Variants in FRA10AC1 observed in about 807,000 individuals in gnomAD.
FRA10AC1 encodes FRA10A associated CGG repeat 1.
In FRA10AC1, 43 loss-of-function variants were observed where a neutral mutation model predicts 56.5. The ratio of observed to expected loss-of-function variants is 0.76; its 90% CI spans 0.60 to 0.98. The LOEUF is 0.98. FRA10AC1 is among the 50% of genes least tolerant of loss of function. The pLI, the probability that FRA10AC1 is intolerant of heterozygous loss-of-function variation, is 0.00. For synonymous variants in FRA10AC1, 112 were observed against 110.5 expected, an observed-to-expected ratio of 1.01 and a Z score of -0.09; for missense variants, 346 against 351.8, an observed-to-expected ratio of 0.98 and a Z score of 0.13.
At chr10:93,676,183 T>C (rs2058836857) in intron 12 of FRA10AC1, among the ~76,000 whole-genome samples, 1 of 152,182 alleles carries the variant, frequency 6.6e-6, no homozygotes, top group Admixed American at 6.5e-5. Context: ...TATTCTGACT[T>C]TTTTAACCTT....
At chr10:93,694,764 C>T in intron 5 of FRA10AC1, 97 bp downstream of exon 5, 1 of 457,884 alleles carries the variant, frequency 2.2e-6, no homozygotes, top group Non-Finnish European at 3.9e-6. Context: ...GAATAGAAAG[C>T]AGGGAAGAAT....
chr10:93,692,607 T>A, intron 6 of FRA10AC1, 39 bp downstream of exon 6: 1 of 1,291,256 alleles, frequency 7.7e-7, no homozygotes, highest in Non-Finnish European at 1.1e-6. Flanking sequence ...GAAACAGGAC[T>A]AAAGCATTTG....
At position 93,692,683 on chromosome 10, in the gene FRA10AC1, ATCT is replaced by A; in HGVS notation, c.340_342del (p.Arg114del). On this transcript the variant is annotated inframe_deletion, in exon 6 of 14. Transcript: ENST00000359204. ...ATTTCGTCCTCCTCATTCCATAGGA[ATCT>A]ATGATTTTCTCGTATAACATCCAAG... The A allele has an allele frequency of 6.3e-7, 1 of 1,599,074 alleles. No individual in the cohort carries two copies. Among genetic ancestry groups the A allele is most frequent in the Middle Eastern group, 1.7e-4 (1 of 6,034 alleles).
intron 5 of FRA10AC1, among the ~76,000 whole-genome samples, chr10:93,693,672 C>CA (rs2059179003): frequency 1.5e-5 from 1 of 65,896 alleles, no homozygotes; most frequent in Non-Finnish European, 4.7e-5. Context: ...TATATATACA[C>CA]CATATATATA....
At chr10:93,670,986 A>G (rs2058751861) in intron 12 of FRA10AC1, 138 bp from the exon 13 acceptor site, 2 of 590,422 alleles carry the variant, frequency 3.4e-6, no homozygotes, top group Non-Finnish European at 6.0e-6. Context: ...TCACTCTCAC[A>G]GGTACAATAA....
chr10:93,671,512 T>C (rs1014915288), intron 12 of FRA10AC1: 2 of 153,532 alleles, frequency 1.3e-5, no homozygotes, highest in Non-Finnish European at 2.9e-5. Context: ...CTTACATACA[T>C]AAATAAGCAC....
intron 7 of FRA10AC1, among the ~76,000 whole-genome samples, chr10:93,689,525 AAT>A (rs1428400309): frequency 1.3e-5 from 2 of 152,134 alleles, no homozygotes; most frequent in Non-Finnish European, 2.9e-5. Flanking sequence ...GTGTAACAGC[AAT>A]AGTTTCCAAA....
intron 7 of FRA10AC1, among the ~76,000 whole-genome samples, chr10:93,689,578 T>C (rs2059091094): frequency 6.6e-6 from 1 of 152,192 alleles, no homozygotes; most frequent in South Asian, 2.1e-4. Context: ...AGACAACTTA[T>C]TAAGCAACTA....
chr10:93,684,336 G>A (rs1198705534), intron 9 of FRA10AC1, among the ~76,000 whole-genome samples: 1 of 152,128 alleles, frequency 6.6e-6, no homozygotes, highest in African/African-American at 2.4e-5. Flanking sequence ...AAAATGTGTT[G>A]TCAATTTGTT....
At chr10:93,682,557 T>C (rs912160100) in intron 10 of FRA10AC1, among the ~76,000 whole-genome samples, 9 of 152,122 alleles carry the variant, frequency 5.9e-5, no homozygotes, top group African/African-American at 1.9e-4. Flanking sequence ...TCCCAGCACC[T>C]TGGGCGGCTG....
At chr10:93,698,242 A>G (rs532251089) in intron 3 of FRA10AC1, 59 bp downstream of exon 3, 1 of 1,495,942 alleles carries the variant, frequency 6.7e-7, no homozygotes, top group South Asian at 1.2e-5. Flanking sequence ...AACATAATCA[A>G]ATCCCCTAAT....
intron 12 of FRA10AC1, chr10:93,673,597 C>A (rs980007083): frequency 1.1e-5 from 4 of 354,572 alleles, no homozygotes; most frequent in South Asian, 4.4e-5. Flanking sequence ...CTCCAATAAT[C>A]ATGGTAACAA....
intron 9 of FRA10AC1, among the ~76,000 whole-genome samples, chr10:93,684,497 CTTTT>C (rs56873831): frequency 1.8e-4 from 24 of 130,030 alleles, no homozygotes; most frequent in East Asian, 4.3e-4. Flanking sequence ...ATTGTGGTCT[CTTTT>C]TTTTTTTTTT....
chr10:93,681,982 AAAG>A (rs1310975821), intron 10 of FRA10AC1, among the ~76,000 whole-genome samples: 1 of 152,152 alleles, frequency 6.6e-6, no homozygotes, highest in African/African-American at 2.4e-5. Flanking sequence ...AAAAAAACAC[AAAG>A]AAGAAGAAAC....
intron 7 of FRA10AC1, among the ~76,000 whole-genome samples, chr10:93,691,721 G>C (rs901780060): frequency 6.6e-6 from 1 of 152,162 alleles, no homozygotes; most frequent in Non-Finnish European, 1.5e-5. Flanking sequence ...CTCTAGACTA[G>C]AGTCAGGATG....
In FRA10AC1 at chr10:93,671,908, CAA is replaced by C. The variant is rs1491237316; in HGVS notation, c.827-1062_827-1061del. ...TTAAACAATGAGCATGAATTACCTT[CAA>C]AATCAGTAAAAACAATAAAGACATT... On this transcript the variant is annotated intron_variant, in intron 12 of 13. Coordinates refer to ENST00000359204, the MANE Select transcript of FRA10AC1 (RefSeq NM_145246.5). 7.5e-4 allele frequency: 267 copies of C among 358,126 alleles called. 2 individuals carry two copies. The highest frequency in any genetic ancestry group is 5.9e-3 in the South Asian group (261 of 44,306). The allele number at this position is 358,126 out of a possible 1,614,324, so 22.2% of individuals were successfully genotyped here.
At position 93,681,648 on chromosome 10, in the gene FRA10AC1, T is replaced by C. The variant is rs78315882; in HGVS notation, c.669-50A>G. The C allele has an allele frequency of 1.4e-5, 19 of 1,405,002 alleles. No homozygotes were observed. In the East Asian group the frequency reaches 4.8e-4, roughly 35 times the overall value. 87.0% of individuals were successfully genotyped at this position (1,405,002 alleles called of 1,614,324 possible). A position where few individuals can be genotyped will look rare whatever the true frequency, so the allele number is the denominator to read the frequency against. On this transcript the variant is annotated intron_variant, in intron 10 of 13. Coordinates refer to ENST00000359204, the MANE Select transcript of FRA10AC1 (RefSeq NM_145246.5). ...AAAGTTAACTTTTCCAACTGACCTT[T>C]TCAAAAATAACCATCATATGAACAA... is the stretch of plus-strand genomic sequence containing the variant.
chr10:93,702,100 C>T (rs1466532579), intron 1 of FRA10AC1, among the ~76,000 whole-genome samples: 1 of 152,050 alleles, frequency 6.6e-6, no homozygotes, highest in Non-Finnish European at 1.5e-5. Context: ...TCTCCCATTT[C>T]TTTATTCGCT....
intron 10 of FRA10AC1, 138 bp downstream of exon 10, chr10:93,683,918 T>C (rs2058978867): frequency 1.5e-6 from 1 of 645,746 alleles, no homozygotes; most frequent in Non-Finnish European, 2.8e-6. Flanking sequence ...TATGTAGCCA[T>C]ACGACAATGC....
Sources: allele counts gnomAD v4.1 joint callset (sites outside exome capture counted in the v4.1 genomes callset), GRCh38; gene constraint gnomAD v4.1.1; transcripts MANE v1.5; gene names NCBI Gene and HGNC (gene_info 2026-07-23, HGNC 2026-07-21).